The following OBSL1 variants were observed in gnomAD, a reference collection of about 807,000 sequenced individuals.
OBSL1 encodes the protein obscurin like cytoskeletal adaptor 1.
Under a neutral mutation model 172.0 loss-of-function variants are expected in OBSL1, and 160 were observed. That is an observed-to-expected ratio of 0.93 (90% CI 0.82 to 1.06). The LOEUF (loss-of-function observed/expected upper bound fraction) is 1.06, where lower values mean the gene tolerates loss of function less well. Ranked by LOEUF, OBSL1 falls within the 50% of genes least tolerant of loss-of-function variation. The probability of loss-of-function intolerance (pLI) is 0.00; values close to 1 mark genes in which losing one functional copy is unlikely to be tolerated. For missense variants in OBSL1, 2,681 were observed against 2,715.4 expected, an observed-to-expected ratio of 0.99 and a Z score of 0.28; for synonymous variants, 1,200 against 1,196.3, an observed-to-expected ratio of 1.00 and a Z score of -0.06.
intron 7 of OBSL1, 135 bp downstream of exon 7, chr2:219,563,220 G>A: frequency 2.4e-6 from 2 of 840,478 alleles, no homozygotes; most frequent in Non-Finnish European, 3.6e-6. Flanking sequence ...TGAGGAGAAA[G>A]GGAGGAGGTC....
chr2:219,559,279 C>G lies in OBSL1; in HGVS notation c.3172G>C (p.Glu1058Gln), dbSNP rs759912848. The change falls in exon 9 of 21, where the codon GAG (glutamate) becomes CAG (glutamine). Residue 1058 changes from glutamate (E) to glutamine (Q), a missense_variant. Around this residue, in one of 5 missense-constraint regions of OBSL1, gnomAD observed 1,765 missense variants for 1,748.3 expected, o/e 1.01. Coordinates refer to ENST00000404537, the MANE Select transcript of OBSL1 (RefSeq NM_015311.3). ...LPAAQPEDGGEFVCDAGDDSA... is the reference protein window; with the variant it reads ...LPAAQPEDGGQFVCDAGDDSA... Reference sequence around the variant, plus strand: ...TCATCTCCAGCATCACATACAAACTCGCCCCCGTCCTCGGGCTGAGCAGCA... The same window carrying G: ...TCATCTCCAGCATCACATACAAACTGGCCCCCGTCCTCGGGCTGAGCAGCA... 2 of 1,613,558 alleles carry G rather than the reference C, an allele frequency of 1.2e-6. No homozygotes were observed. The highest frequency in any genetic ancestry group is 2.7e-5 in the African/African-American group (2 of 75,040).
At position 219,562,665 on chromosome 2, in the gene OBSL1, G is replaced by T; in HGVS notation, c.2690C>A (p.Ser897Ter). The T allele has an allele frequency of 6.4e-7, 1 of 1,550,484 alleles. No individual in the cohort carries two copies. The highest frequency in any genetic ancestry group is 1.2e-5 in the South Asian group (1 of 84,602). ...CTTGCCGCTGGGATACACGATCCAC[G>T]AGGAGACGTCTGGAGGACAGGGACA... ...YFTVTITDVS[S>*]WIVYPSGKVY... The change falls in exon 8 of 21, where the codon TCG (serine) becomes TAG (stop). Residue 897 changes from serine to a stop codon, truncating the protein, a stop_gained. Transcript: ENST00000404537. LOFTEE classifies it high-confidence loss of function.
intron 5 of OBSL1, among the ~76,000 whole-genome samples, chr2:219,566,125 G>T (rs955090348): frequency 2.6e-5 from 4 of 152,184 alleles, no homozygotes; most frequent in Non-Finnish European, 5.9e-5. Flanking sequence ...TAACGTATCT[G>T]CCTGTTTCCC....
Position 219,570,370 on chromosome 2 carries a change from G to A in OBSL1, c.863C>T (p.Pro288Leu), listed in dbSNP as rs1305729153. ...EWHWEGRPLL[P>L]DRRRLMYRDR... ...GCGGTACATGAGGCGGCGGCGGTCC[G>A]GGAGCAGCGGGCGGCCCTCCCAGTG... The change falls in exon 1 of 21, where the codon CCG becomes CTG. Residue 288 changes from proline (P) to leucine (L), a missense_variant. Pro to Leu is a moderately conservative substitution (Grantham distance 98). Around this residue, in one of 5 missense-constraint regions of OBSL1, gnomAD observed 706 missense variants for 695.8 expected, o/e 1.01. Coordinates refer to ENST00000404537, the MANE Select transcript of OBSL1 (RefSeq NM_015311.3). 4 of 1,612,830 alleles carry A rather than the reference G, an allele frequency of 2.5e-6. No individual in the cohort carries two copies. Among genetic ancestry groups the A allele is most frequent in the African/African-American group, 1.3e-5 (1 of 74,920 alleles).
chr2:219,548,003 G>A, downstream of OBSL1: 1 of 1,589,354 alleles, frequency 6.3e-7, no homozygotes, highest in Non-Finnish European at 8.5e-7. Flanking sequence ...GGCCCTGCTG[G>A]CACTCTGGCC....
rs758525169 is a variant in OBSL1, at chr2:219,563,390, C to G, written c.2645G>C (p.Gly882Ala). Residue 882 changes from glycine to alanine, a missense_variant, in exon 7 of 21, where the codon GGA (glycine) becomes GCA (alanine). Transcript: ENST00000404537. The stretch of plus-strand genomic sequence containing the variant: ...GACAGTGAAGTAGGCACACTCATCT[C>G]CAGCGACGCACTGAAACTCGCCCCC... ...SDGGEFQCVA[G>A]DECAYFTVTI... is the part of the protein sequence containing the mutation. 1 of 1,601,588 alleles carries G rather than the reference C, an allele frequency of 6.2e-7. No homozygotes were observed. The highest frequency in any genetic ancestry group is 8.5e-7 in the Non-Finnish European group (1 of 1,172,294).
rs1697097323 is a variant in OBSL1, at chr2:219,568,459, A to G, written c.1013-135T>C. ...AGCGGGCACTGTGGAATCACAGAAA[A>G]CTACCAGAAGGGAAGTGGTGGTTCC... On this transcript the variant is annotated intron_variant, in intron 1 of 20. Coordinates refer to ENST00000404537, the MANE Select transcript of OBSL1 (RefSeq NM_015311.3). This position sits in a 1 kb window ranked among gnomAD's most constrained non-coding sequence, Gnocchi z 4.1. 1.1e-6 allele frequency: 1 copy of G among 878,460 alleles called. No homozygotes were observed. The highest frequency in any genetic ancestry group is 1.7e-6 in the Non-Finnish European group (1 of 591,282). The allele number at this position is 878,460 out of a possible 1,614,324, so 54.4% of individuals were successfully genotyped here. A position where few individuals can be genotyped will look rare whatever the true frequency, so the allele number is the denominator to read the frequency against.
rs1695863870 is a variant in OBSL1, at chr2:219,554,594, GAC to G, written c.4754_4755del (p.Cys1585SerfsTer73). Reference sequence around the variant, plus strand: ...TGACGGTGGCCGTCCGAGTGGATGTGACACTTGGGTCCTGGATACAGCTGTAC... The same window carrying G: ...TGACGGTGGCCGTCCGAGTGGATGTGACTTGGGTCCTGGATACAGCTGTAC... ...GGVQLYPGPK[C>X]HIHSDGHRHR... On this transcript the variant is annotated frameshift_variant, in exon 15 of 21. Coordinates refer to ENST00000404537, the MANE Select transcript of OBSL1 (RefSeq NM_015311.3). LOFTEE classifies it high-confidence loss of function. 6.2e-7 allele frequency: 1 copy of G among 1,613,174 alleles called. No individual in the cohort carries two copies. Among genetic ancestry groups the G allele is most frequent in the African/African-American group, 1.3e-5 (1 of 74,918 alleles).
downstream of OBSL1, chr2:219,550,073 AC>A: frequency 1.7e-6 from 1 of 591,588 alleles, no homozygotes. Flanking sequence ...CGGGGTGTGA[AC>A]CCCATTGGGG....
At chr2:219,564,879 C>T (rs558441269) in intron 6 of OBSL1, among the ~76,000 whole-genome samples, 1 of 152,184 alleles carries the variant, frequency 6.6e-6, no homozygotes, top group African/African-American at 2.4e-5. Context: ...GGTGACCTAA[C>T]CAACATAGTG....
At position 219,552,192 on chromosome 2, in the gene OBSL1, C is replaced by G; in HGVS notation, c.5333G>C (p.Ser1778Thr). The G allele has an allele frequency of 1.2e-6, 2 of 1,608,836 alleles. No individual in the cohort carries two copies. The highest frequency in any genetic ancestry group is 1.7e-6 in the Non-Finnish European group (2 of 1,178,110). ...ACCGGCGTCCTCGGCGCGCAGCTCGCTAAGCACCAGAATGTGTTTCTTCCC... is the reference window on the plus strand; with the variant it reads ...ACCGGCGTCCTCGGCGCGCAGCTCGGTAAGCACCAGAATGTGTTTCTTCCC... ...QEGKKHILVL[S>T]ELRAEDAGEV... Residue 1778 changes from serine (S) to threonine (T), a missense_variant, in exon 19 of 21, where the codon AGC (serine) becomes ACC (threonine). This residue lies in a region of OBSL1 where 1,765 missense variants were observed against 1,748.3 expected (regional missense o/e 1.01). Transcript: ENST00000404537.
chr2:219,553,511 G>C, intron 16 of OBSL1, 63 bp downstream of exon 16: 1 of 1,167,340 alleles, frequency 8.6e-7, no homozygotes, highest in Non-Finnish European at 1.3e-6. Context: ...AGCTGTTTCT[G>C]TCTGGGGCAT....
Position 219,552,898 on chromosome 2 carries a change from G to A in OBSL1, c.5116C>T (p.Arg1706Cys), listed in dbSNP as rs1256110878. The A allele has an allele frequency of 4.5e-6, 7 of 1,540,830 alleles. No homozygotes were observed. The East Asian group carries it at 1.5e-4, about 33-fold the overall frequency. ...GTYSCAVGTA[R>C]AGPVRLTVRE... ...ACGGTCAGGCGGACCGGTCCGGCGC[G>A]GGCCGTCCCCACCGCGCAGCTGTAG... Residue 1706 changes from arginine to cysteine, a missense_variant, in exon 17 of 21, where the codon CGC becomes TGC. Arg to Cys is a radical substitution (Grantham distance 180). Coordinates refer to ENST00000404537, the MANE Select transcript of OBSL1 (RefSeq NM_015311.3).
In OBSL1 at chr2:219,562,452, T is replaced by C; in HGVS notation, c.2903A>G (p.Tyr968Cys). 6.2e-7 allele frequency: 1 copy of C among 1,613,958 alleles called. No individual in the cohort carries two copies. The highest frequency in any genetic ancestry group is 8.5e-7 in the Non-Finnish European group (1 of 1,179,884). ...PAVQLEDSGE[Y>C]LCEIDDESAS... ...CGACTCATCGTCAATTTCACACAAG[T>C]ACTCGCCGGAGTCCTCGAGCTGGAC... is the stretch of plus-strand genomic sequence containing the variant. The change falls in exon 8 of 21, where the codon TAC (tyrosine) becomes TGC (cysteine). Residue 968 changes from tyrosine to cysteine, a missense_variant. Physicochemically the swap from Tyr to Cys is radical, Grantham distance 194. Coordinates refer to ENST00000404537, the MANE Select transcript of OBSL1 (RefSeq NM_015311.3).
In OBSL1 at chr2:219,552,642, GTCGCCT is replaced by G. The variant is rs775394758; in HGVS notation, c.5196_5201del (p.Glu1732_Gly1733del). ...ACACGGTGCACTCGAACGTAGCGCC[GTCGCCT>G]TCGCGGGCGCTCACCGACCGCAGCT... is the stretch of plus-strand genomic sequence containing the variant. On this transcript the variant is annotated inframe_deletion, in exon 18 of 21. Coordinates refer to ENST00000404537, the MANE Select transcript of OBSL1 (RefSeq NM_015311.3). The G allele has an allele frequency of 6.4e-7, 1 of 1,552,494 alleles. No homozygotes were observed. The highest frequency in any genetic ancestry group is 1.9e-5 in the Admixed American group (1 of 53,670).
intron 6 of OBSL1, among the ~76,000 whole-genome samples, chr2:219,564,697 A>C (rs941819127): frequency 1.3e-5 from 2 of 152,354 alleles, no homozygotes; most frequent in African/African-American, 4.8e-5. Context: ...CCAGCTGCTC[A>C]GGAGGCTGAG....
At chr2:219,564,777 A>C (rs1361599447) in intron 6 of OBSL1, among the ~76,000 whole-genome samples, 1 of 152,186 alleles carries the variant, frequency 6.6e-6, no homozygotes, top group African/African-American at 2.4e-5. Context: ...ATCTTAAAAA[A>C]AGAAAGAAAG....
At position 219,571,143 on chromosome 2, in the gene OBSL1, C is replaced by T; in HGVS notation, c.90G>A (p.Glu30=). The T allele has an allele frequency of 6.7e-7, 1 of 1,486,312 alleles. No homozygotes were observed. The highest frequency in any genetic ancestry group is 8.9e-7 in the Non-Finnish European group (1 of 1,122,760). 92.1% of individuals were successfully genotyped at this position (1,486,312 alleles called of 1,614,324 possible). Residue 30 remains glutamate (E), a synonymous_variant, in exon 1 of 21, where the codon GAG becomes GAA. Coordinates refer to ENST00000404537, the MANE Select transcript of OBSL1 (RefSeq NM_015311.3). ...PVRVVSGAEA[E]LKCVVLGEPP... is the part of the protein sequence containing the mutation. ...GCTCCCCCAGGACCACGCACTTGAG[C>T]TCGGCCTCGGCGCCACTTACCACCC...
rs763406048 is a variant in OBSL1, at chr2:219,557,897, T to A, written c.3716A>T (p.His1239Leu). The A allele has an allele frequency of 6.2e-7, 1 of 1,602,576 alleles. No individual in the cohort carries two copies. Among genetic ancestry groups the A allele is most frequent in the Non-Finnish European group, 8.5e-7 (1 of 1,179,688 alleles). ...VLCIQAAGPA[H>L]AGLYTCQSGA... ...AGACTGGCAGGTGTAGAGCCCTGCA[T>A]GGGCTGGGCCTGCAGCCTGGATGCA... Residue 1239 changes from histidine (H) to leucine (L), a missense_variant, in exon 11 of 21, where the codon CAT becomes CTT. Transcript: ENST00000404537.
Sources: gnomAD v4.1 joint callset for allele counts (sites outside exome capture counted in the v4.1 genomes callset) on GRCh38, gnomAD v4.1.1 for gene constraint, gnomAD v4.1.1 regional missense constraint, Gnocchi (gnomAD v3.1) non-coding constraint, MANE v1.5 for transcripts, NCBI Gene and HGNC (gene_info 2026-07-23, HGNC 2026-07-21) for gene names.